Variants in PRKCE observed in about 807,000 individuals in gnomAD.
PRKCE encodes protein kinase C epsilon.
A neutral mutation model predicts 85.4 loss-of-function variants in PRKCE; 16 were observed. The ratio of observed to expected loss-of-function variants is 0.19; its 90% CI spans 0.13 to 0.28. PRKCE has a LOEUF of 0.28. PRKCE is among the 10% of genes least tolerant of loss of function. The probability of loss-of-function intolerance (pLI) is 1.00; values close to 1 mark genes in which losing one functional copy is unlikely to be tolerated. For synonymous variants in PRKCE, 388 were observed against 371.5 expected, an observed-to-expected ratio of 1.04 and a Z score of -0.51; for missense variants, 573 against 975.2, an observed-to-expected ratio of 0.59 and a Z score of 5.49.
At chr2:46,009,678 T>C (rs1705495137) in intron 9 of PRKCE, among the ~76,000 whole-genome samples, 2 of 152,178 alleles carry the variant, frequency 1.3e-5, no homozygotes, top group African/African-American at 4.8e-5. Flanking sequence ...CCAAGAGAAA[T>C]TGTTTTAATT....
intron 1 of PRKCE, among the ~76,000 whole-genome samples, chr2:45,711,282 G>C (rs908492825): frequency 6.6e-6 from 1 of 152,164 alleles, no homozygotes. Context: ...CAGCTGCAAG[G>C]TACTTTCCAC....
intron 10 of PRKCE, among the ~76,000 whole-genome samples, chr2:46,031,593 TGTG>T (rs1707522462): frequency 4.6e-5 from 1 of 21,754 alleles, no homozygotes; most frequent in Admixed American, 3.3e-4. Context: ...ATTCTGCTCG[TGTG>T]TGTGTGTGTG....
intron 2 of PRKCE, among the ~76,000 whole-genome samples, chr2:45,869,683 T>A (rs1693918339): frequency 6.6e-6 from 1 of 150,458 alleles, no homozygotes; most frequent in African/African-American, 2.4e-5. Context: ...TTTCTTTTTG[T>A]TTTTGTTTTT....
intron 2 of PRKCE, among the ~76,000 whole-genome samples, chr2:45,906,753 C>T (rs1372344065): frequency 2.0e-5 from 3 of 152,184 alleles, no homozygotes; most frequent in Non-Finnish European, 2.9e-5. Context: ...CTCCATCAGG[C>T]GGCAGCTCTG....
At chr2:46,174,777 C>G (rs1049642269) in intron 14 of PRKCE, among the ~76,000 whole-genome samples, 1 of 152,166 alleles carries the variant, frequency 6.6e-6, no homozygotes, top group African/African-American at 2.4e-5. Flanking sequence ...GCAACCTCTA[C>G]CTCCTGGACT....
chr2:46,070,332 T>G (rs1192573527), intron 10 of PRKCE, among the ~76,000 whole-genome samples: 4 of 152,210 alleles, frequency 2.6e-5, no homozygotes, highest in Non-Finnish European at 2.9e-5. Context: ...AGCACCTTCA[T>G]TTTTGATGTA....
chr2:45,965,366 G>C (rs918099833), intron 2 of PRKCE, among the ~76,000 whole-genome samples: 3 of 152,170 alleles, frequency 2.0e-5, no homozygotes, highest in Admixed American at 6.5e-5. Context: ...CGGCTGCTTT[G>C]ATTTTTAGTA....
At chr2:46,117,598 A>T (rs1446399288) in intron 11 of PRKCE, among the ~76,000 whole-genome samples, 1 of 152,164 alleles carries the variant, frequency 6.6e-6, no homozygotes, top group Non-Finnish European at 1.5e-5. Context: ...CACTCCTGGG[A>T]TGGGATCCTC....
chr2:45,850,524 G>A (rs1573603450), intron 2 of PRKCE, among the ~76,000 whole-genome samples: 1 of 152,204 alleles, frequency 6.6e-6, no homozygotes, highest in East Asian at 1.9e-4. Flanking sequence ...TAAAAGAAAG[G>A]GTATTTCCAT....
intron 8 of PRKCE, among the ~76,000 whole-genome samples, chr2:46,005,781 T>C (rs868470819): frequency 2.0e-5 from 3 of 152,182 alleles, no homozygotes; most frequent in African/African-American, 7.2e-5. Flanking sequence ...CAATTAACTT[T>C]CTGTGTCTTT....
chr2:45,930,939 A>G (rs1698999345), intron 2 of PRKCE, among the ~76,000 whole-genome samples: 1 of 152,168 alleles, frequency 6.6e-6, no homozygotes, highest in South Asian at 2.1e-4. Context: ...GGAGAAGGCA[A>G]CTTACCCTAA....
chr2:45,927,528 C>G (rs967701314), intron 2 of PRKCE, among the ~76,000 whole-genome samples: 9 of 152,188 alleles, frequency 5.9e-5, no homozygotes, highest in Non-Finnish European at 1.3e-4. Flanking sequence ...AGGGCCATAA[C>G]TGCCTACCGT....
chr2:45,731,031 A>G (rs1681527358), intron 1 of PRKCE, among the ~76,000 whole-genome samples: 1 of 152,190 alleles, frequency 6.6e-6, no homozygotes, highest in Non-Finnish European at 1.5e-5. Context: ...TGAAGGAAAT[A>G]GGAATGTGGG....
intron 2 of PRKCE, among the ~76,000 whole-genome samples, chr2:45,934,628 G>A (rs1266916692): frequency 6.8e-6 from 1 of 148,126 alleles, no homozygotes; most frequent in African/African-American, 2.5e-5. Context: ...CAGCCTGGGT[G>A]ATAAAGCGAG....
At chr2:45,661,814 C>T (rs1165969984) in intron 1 of PRKCE, among the ~76,000 whole-genome samples, 1 of 151,910 alleles carries the variant, frequency 6.6e-6, no homozygotes, top group African/African-American at 2.4e-5. Flanking sequence ...GCTGGAATTA[C>T]AGGCGTGAGC....
chr2:46,150,976 G>A (rs548342655), intron 12 of PRKCE, 65 bp from the exon 13 acceptor site: 24 of 1,463,714 alleles, frequency 1.6e-5, no homozygotes, highest in Middle Eastern at 2.1e-4. Flanking sequence ...ATGGGCGTTC[G>A]TAGCACGGGT....
At chr2:46,124,102 A>C (rs1201471296) in intron 11 of PRKCE, among the ~76,000 whole-genome samples, 1 of 152,124 alleles carries the variant, frequency 6.6e-6, no homozygotes, top group Non-Finnish European at 1.5e-5. Context: ...AGGTGGGCGG[A>C]TCACTGGAGG....
rs528136800 is a variant in PRKCE at position 45,935,370 on chromosome 2, C to T, written c.413-41059C>T. Among the ~76,000 whole-genome samples, 25 of 152,276 alleles carry T rather than the reference C, an allele frequency of 1.6e-4. No individual in the cohort carries two copies. The South Asian group carries it at 2.3e-3, about 14-fold the overall frequency. On this transcript the variant is annotated intron_variant, in intron 2 of 14. Transcript: ENST00000306156. ...AAAATAAACCCCCTCCTCTCAGAGCCGGCCTCAAGCTAAGAACTTTTGAAG... is the reference window on the plus strand; with the variant it reads ...AAAATAAACCCCCTCCTCTCAGAGCTGGCCTCAAGCTAAGAACTTTTGAAG...
intron 10 of PRKCE, among the ~76,000 whole-genome samples, chr2:46,054,842 G>A (rs1038683938): frequency 1.3e-5 from 2 of 152,004 alleles, no homozygotes; most frequent in African/African-American, 4.8e-5. Flanking sequence ...AGACAGCAGA[G>A]AGAAGAAGCA....
Sources: gnomAD v4.1 joint callset for allele counts (sites outside exome capture counted in the v4.1 genomes callset) on GRCh38, gnomAD v4.1.1 for gene constraint, MANE v1.5 for transcripts, NCBI Gene and HGNC (gene_info 2026-07-23, HGNC 2026-07-21) for gene names.